Variants in SCLT1 observed in about 807,000 individuals in gnomAD.
The protein encoded by SCLT1 is sodium channel and clathrin linker 1.
Under a neutral mutation model 112.8 loss-of-function variants are expected in SCLT1, and 78 were observed. That is an observed-to-expected ratio of 0.69 (90% CI 0.58 to 0.83). The LOEUF (loss-of-function observed/expected upper bound fraction) is 0.83. Among genes scored for constraint, SCLT1 ranks in the 40% least tolerant of loss-of-function variants. The probability of loss-of-function intolerance (pLI) is 0.00; values close to 1 mark genes in which losing one functional copy is unlikely to be tolerated. For synonymous variants in SCLT1, 257 were observed against 254.7 expected, an observed-to-expected ratio of 1.01 and a Z score of -0.09; for missense variants, 747 against 770.4, an observed-to-expected ratio of 0.97 and a Z score of 0.36.
intron 2 of SCLT1, among the ~76,000 whole-genome samples, chr4:129,049,008 A>AG (rs1201995328): frequency 2.0e-5 from 3 of 151,988 alleles, no homozygotes; most frequent in Non-Finnish European, 4.4e-5. Flanking sequence ...GTGGAGAAAT[A>AG]GGAACACTTT....
chr4:129,079,604 G>A (rs1751760223), intron 2 of SCLT1, among the ~76,000 whole-genome samples: 1 of 152,220 alleles, frequency 6.6e-6, no homozygotes, highest in Non-Finnish European at 1.5e-5. Flanking sequence ...CCCTGCAGCT[G>A]CTTTCACAGT....
chr4:128,987,082 GGA>G (rs1434299025), intron 9 of SCLT1, among the ~76,000 whole-genome samples: 26 of 152,252 alleles, frequency 1.7e-4, no homozygotes, highest in East Asian at 3.9e-4. Flanking sequence ...CCTAGGCTTA[GGA>G]ATCTAAGCCT....
chr4:129,045,906 T>G (rs1748132505), intron 2 of SCLT1, among the ~76,000 whole-genome samples: 1 of 152,050 alleles, frequency 6.6e-6, no homozygotes, highest in East Asian at 1.9e-4. Flanking sequence ...CAATTTATAG[T>G]CCTTATCCAT....
chr4:129,042,672 G>A (rs1032558933), intron 4 of SCLT1, among the ~76,000 whole-genome samples: 3 of 152,094 alleles, frequency 2.0e-5, no homozygotes, highest in African/African-American at 7.2e-5. Flanking sequence ...TCGAGACAAG[G>A]TCCAGTTCTG....
At chr4:129,077,331 G>T in intron 2 of SCLT1, among the ~76,000 whole-genome samples, 1 of 152,070 alleles carries the variant, frequency 6.6e-6, no homozygotes, top group East Asian at 1.9e-4. Context: ...ACTGAATAAA[G>T]TATGTTCATT....
intron 2 of SCLT1, among the ~76,000 whole-genome samples, chr4:129,070,962 T>G (rs1402729799): frequency 2.6e-5 from 4 of 152,146 alleles, no homozygotes; most frequent in Non-Finnish European, 5.9e-5. Flanking sequence ...CCCACAGGTT[T>G]GGTAGGTTGT....
intron 9 of SCLT1, among the ~76,000 whole-genome samples, chr4:128,972,713 C>T (rs1405683900): frequency 6.6e-6 from 1 of 152,134 alleles, no homozygotes; most frequent in Non-Finnish European, 1.5e-5. Context: ...CATTCTTTGG[C>T]CCAACCTTTA....
At chr4:129,061,986 A>G (rs1750024795) in intron 2 of SCLT1, among the ~76,000 whole-genome samples, 1 of 152,066 alleles carries the variant, frequency 6.6e-6, no homozygotes, top group African/African-American at 2.4e-5. Context: ...AGGGGACCCC[A>G]GTGGCGAGGT....
intron 13 of SCLT1, among the ~76,000 whole-genome samples, chr4:128,955,862 G>A (rs1347860249): frequency 2.0e-5 from 3 of 151,818 alleles, no homozygotes; most frequent in Admixed American, 1.3e-4. Context: ...ACTCAGAGGG[G>A]GCAAAGACGC....
At chr4:128,952,933 T>C (rs1024077869) in intron 13 of SCLT1, 93 bp from the exon 14 acceptor site, 2 of 723,018 alleles carry the variant, frequency 2.8e-6, no homozygotes, top group Non-Finnish European at 4.8e-6. Flanking sequence ...TTGATAAAAA[T>C]AAAATTGTAA....
At chr4:129,001,217 C>T (rs1743453394) in intron 6 of SCLT1, among the ~76,000 whole-genome samples, 1 of 151,826 alleles carries the variant, frequency 6.6e-6, no homozygotes, top group Admixed American at 6.6e-5. Context: ...TTACACAACC[C>T]AGATTCTCCT....
intron 18 of SCLT1, among the ~76,000 whole-genome samples, chr4:128,893,551 A>AT (rs35014538): frequency 0.19 from 28,664 of 151,208 alleles, 2,889 homozygotes; most frequent in Middle Eastern, 0.29. Context: ...TAAAATCTCC[A>AT]TTTTTTTTTG....
At chr4:128,919,025 A>G (rs1735680895) in intron 18 of SCLT1, among the ~76,000 whole-genome samples, 1 of 152,172 alleles carries the variant, frequency 6.6e-6, no homozygotes, top group Admixed American at 6.5e-5. Flanking sequence ...TGATCAAATC[A>G]GAAAACTAGC....
At chr4:129,003,058 G>A (rs1743661354) in intron 6 of SCLT1, among the ~76,000 whole-genome samples, 1 of 152,098 alleles carries the variant, frequency 6.6e-6, no homozygotes, top group Non-Finnish European at 1.5e-5. Context: ...TGATAAACTG[G>A]ATAAAGAAAA....
At chr4:129,031,326 G>A (rs1560990176) in intron 5 of SCLT1, among the ~76,000 whole-genome samples, 1 of 151,904 alleles carries the variant, frequency 6.6e-6, no homozygotes, top group Non-Finnish European at 1.5e-5. Flanking sequence ...TTAGTAAGAG[G>A]TATTTATGAC....
At position 128,957,013 on chromosome 4, in the gene SCLT1, T is replaced by G; in HGVS notation, c.1146+13A>C. 7.0e-7 allele frequency: 1 copy of G among 1,418,950 alleles called. No homozygotes were observed. The highest frequency in any genetic ancestry group is 9.7e-7 in the Non-Finnish European group (1 of 1,034,072). 87.9% of individuals were successfully genotyped at this position (1,418,950 alleles called of 1,614,324 possible). A position where few individuals can be genotyped will look rare whatever the true frequency, so the allele number is the denominator to read the frequency against. Reference sequence around the variant, plus strand: ...TTAAATTCTGAATTTTAAATATAATTAAAAATCCTTACTTCTTTCTTGGTT... The same window carrying G: ...TTAAATTCTGAATTTTAAATATAATGAAAAATCCTTACTTCTTTCTTGGTT... On this transcript the variant is annotated intron_variant, in intron 13 of 20. Coordinates refer to ENST00000281142, the MANE Select transcript of SCLT1 (RefSeq NM_144643.4).
intron 5 of SCLT1, among the ~76,000 whole-genome samples, chr4:129,023,327 C>T (rs1030355593): frequency 1.1e-4 from 17 of 152,148 alleles, no homozygotes; most frequent in Non-Finnish European, 4.4e-5. Context: ...GGGCTAAATG[C>T]CCCAATTTAA....
chr4:128,952,060 T>C (rs1738797127), intron 14 of SCLT1, among the ~76,000 whole-genome samples: 2 of 152,166 alleles, frequency 1.3e-5, no homozygotes, highest in Non-Finnish European at 2.9e-5. Context: ...TATGTTGAGA[T>C]GCTTACAATC....
At chr4:128,904,562 T>C (rs1734553021) in intron 18 of SCLT1, among the ~76,000 whole-genome samples, 1 of 152,172 alleles carries the variant, frequency 6.6e-6, no homozygotes, top group Non-Finnish European at 1.5e-5. Flanking sequence ...GAGTGCCCAC[T>C]GTTTGTTGTT....
Sources: gnomAD v4.1 joint callset for allele counts (sites outside exome capture counted in the v4.1 genomes callset) on GRCh38, gnomAD v4.1.1 for gene constraint, MANE v1.5 for transcripts, NCBI Gene and HGNC (gene_info 2026-07-23, HGNC 2026-07-21) for gene names.